Variants in PKNOX2 observed in about 807,000 individuals in gnomAD.
PKNOX2 encodes homeobox protein PKNOX2.
Under a neutral mutation model 53.1 loss-of-function variants are expected in PKNOX2, and 14 were observed. The ratio of observed to expected loss-of-function variants is 0.26; its 90% CI spans 0.17 to 0.41. The LOEUF (loss-of-function observed/expected upper bound fraction) is 0.41, where lower values mean the gene tolerates loss of function less well. PKNOX2 is among the 10% of genes least tolerant of loss of function. The pLI, the probability that PKNOX2 is intolerant of heterozygous loss-of-function variation, is 1.00. For missense variants in PKNOX2, 496 were observed against 602.8 expected (o/e 0.82, Z 1.85); for synonymous variants, 257 against 242.8 (o/e 1.06, Z -0.54).
At chr11:125,178,646 G>GA (rs1470598420) in intron 1 of PKNOX2, among the ~76,000 whole-genome samples, 25 of 74,416 alleles carry the variant, frequency 3.4e-4, no homozygotes, top group East Asian at 7.7e-4. Context: ...AAGAAAGAAA[G>GA]AAGGAAGGAA....
At chr11:125,257,436 T>A (rs1298856416) in intron 2 of PKNOX2, among the ~76,000 whole-genome samples, 2 of 152,206 alleles carry the variant, frequency 1.3e-5, no homozygotes, top group East Asian at 3.8e-4. Context: ...AGCTGGAGGC[T>A]GTTTTCAAGA....
chr11:125,223,833 G>A (rs1941439803), intron 1 of PKNOX2, among the ~76,000 whole-genome samples: 1 of 152,186 alleles, frequency 6.6e-6, no homozygotes, highest in Non-Finnish European at 1.5e-5. Flanking sequence ...TAGAAACGAT[G>A]ACATTGCAGC....
intron 5 of PKNOX2, among the ~76,000 whole-genome samples, chr11:125,373,349 A>C (rs1952653694): frequency 6.6e-6 from 1 of 152,234 alleles, no homozygotes; most frequent in Non-Finnish European, 1.5e-5. Flanking sequence ...CAGGATGTGA[A>C]GTCTGGTACA....
Position 125,173,587 on chromosome 11 carries a change from T to G in PKNOX2, c.-201+8811T>G, listed in dbSNP as rs188784219. Among the ~76,000 whole-genome samples the G allele has an allele frequency of 2.6e-5, 4 of 152,362 alleles. No homozygotes were observed. In the East Asian group the frequency reaches 7.7e-4, roughly 29 times the overall value. On this transcript the variant is annotated intron_variant, in intron 1 of 12. Coordinates refer to ENST00000298282, the MANE Select transcript of PKNOX2 (RefSeq NM_001382323.2). ...GGCAAATGCTGGGAAGAGCTACTGT[T>G]GTGAAAACCAAAGTCTAGAAGATCT...
rs2135719042 is a variant in PKNOX2 at position 125,432,992 on chromosome 11, T to C, written c.*1600T>C. 1 of 152,760 alleles carries C rather than the reference T, an allele frequency of 6.5e-6. No homozygotes were observed. Among genetic ancestry groups the C allele is most frequent in the Non-Finnish European group, 1.5e-5 (1 of 68,030 alleles). The allele number at this position is 152,760 out of a possible 1,614,324, so 9.5% of individuals were successfully genotyped here. Reference sequence around the variant, plus strand: ...GAATGTATTTCTCCCCCAAAAGAGCTGATATTTAATGTTTTAATAAGGATT... The same window carrying C: ...GAATGTATTTCTCCCCCAAAAGAGCCGATATTTAATGTTTTAATAAGGATT... On this transcript the variant is annotated 3_prime_UTR_variant, in exon 13 of 13. Transcript: ENST00000298282.
chr11:125,212,621 A>G (rs904319445), intron 1 of PKNOX2, among the ~76,000 whole-genome samples: 4 of 151,708 alleles, frequency 2.6e-5, no homozygotes, highest in Non-Finnish European at 5.9e-5. Flanking sequence ...ACTACACTGA[A>G]CAGAGAGGGA....
chr11:125,249,594 G>A (rs1943842335), intron 2 of PKNOX2, among the ~76,000 whole-genome samples: 1 of 152,134 alleles, frequency 6.6e-6, no homozygotes, highest in Non-Finnish European at 1.5e-5. Context: ...TAAAGTATAT[G>A]GGAGAATATG....
intron 1 of PKNOX2, among the ~76,000 whole-genome samples, chr11:125,230,411 G>T (rs1458872709): frequency 6.6e-6 from 1 of 152,252 alleles, no homozygotes; most frequent in African/African-American, 2.4e-5. Context: ...GAACAGAGCA[G>T]GGACTCAGTG....
intron 2 of PKNOX2, among the ~76,000 whole-genome samples, chr11:125,278,962 C>G (rs1252256960): frequency 1.3e-5 from 2 of 152,120 alleles, no homozygotes; most frequent in African/African-American, 4.8e-5. Context: ...GGCGGATGTC[C>G]GTTTTCCCAG....
At chr11:125,357,262 A>AACTCCAACTTACTCAAGACCTGG (rs1951669196) in intron 4 of PKNOX2, among the ~76,000 whole-genome samples, 1 of 152,062 alleles carries the variant, frequency 6.6e-6, no homozygotes, top group South Asian at 2.1e-4. Context: ...CATATCCCTG[A>AACTCCAACTTACTCAAGACCTGG]ACTCCAACTT....
chr11:125,367,796 C>T lies in PKNOX2; in HGVS notation c.88-50C>T. The stretch of plus-strand genomic sequence containing the variant: ...GGACCTCACACTACAGCCTGGAGAC[C>T]AGCACCCTGGCCATGCTAACCCACC... On this transcript the variant is annotated intron_variant, in intron 4 of 12. Transcript: ENST00000298282. 4 of 1,584,018 alleles carry T rather than the reference C, an allele frequency of 2.5e-6. No homozygotes were observed. In the South Asian group the frequency reaches 4.7e-5, roughly 19 times the overall value.
intron 2 of PKNOX2, among the ~76,000 whole-genome samples, chr11:125,328,262 G>A (rs893895103): frequency 1.3e-5 from 2 of 152,138 alleles, no homozygotes; most frequent in African/African-American, 2.4e-5. Flanking sequence ...CACATTGTAG[G>A]TGGCAATTAT....
At chr11:125,389,907 C>A (rs1224034109) in intron 6 of PKNOX2, among the ~76,000 whole-genome samples, 1 of 152,040 alleles carries the variant, frequency 6.6e-6, no homozygotes. Context: ...AAAATAGGGA[C>A]CCCCAGGCCC....
At chr11:125,221,500 G>A (rs945510941) in intron 1 of PKNOX2, among the ~76,000 whole-genome samples, 2 of 152,156 alleles carry the variant, frequency 1.3e-5, no homozygotes, top group African/African-American at 2.4e-5. Context: ...AAATGGACCC[G>A]AGAGCTAACC....
chr11:125,413,667 T>C (rs78621633), intron 10 of PKNOX2, among the ~76,000 whole-genome samples: 22,775 of 152,136 alleles, frequency 0.15, 1,921 homozygotes, highest in Middle Eastern at 0.22. Flanking sequence ...ACCCGGCAAC[T>C]TGGTCACACT....
At chr11:125,171,115 A>G (rs1955285663) in intron 1 of PKNOX2, among the ~76,000 whole-genome samples, 1 of 152,206 alleles carries the variant, frequency 6.6e-6, no homozygotes, top group Admixed American at 6.5e-5. Flanking sequence ...CTCTACTCAC[A>G]TCGCCATCCC....
At chr11:125,372,193 G>A (rs1427688450) in intron 5 of PKNOX2, among the ~76,000 whole-genome samples, 2 of 152,182 alleles carry the variant, frequency 1.3e-5, no homozygotes, top group East Asian at 1.9e-4. Flanking sequence ...CTCGAGGCGG[G>A]GAAGGGGAGC....
rs1293195253 is a variant in PKNOX2 at position 125,166,036 on chromosome 11, G to A, written c.-201+1260G>A. 6.6e-6 allele frequency among the ~76,000 whole-genome samples: 1 copy of A among 152,078 alleles called. No individual in the cohort carries two copies. Among genetic ancestry groups the A allele is most frequent in the East Asian group, 1.9e-4 (1 of 5,166 alleles). ...ATTGAGGGGTAGGGGCTTGTGGATC[G>A]GCCTGAATTAGGGCTGGGTTTTAGG... On this transcript the variant is annotated intron_variant, in intron 1 of 12. Transcript: ENST00000298282. The surrounding 1 kb of genome is among the most constrained non-coding windows in gnomAD (Gnocchi z 4.0).
At chr11:125,280,001 A>AT (rs1165008124) in intron 2 of PKNOX2, among the ~76,000 whole-genome samples, 1 of 150,718 alleles carries the variant, frequency 6.6e-6, no homozygotes, top group Non-Finnish European at 1.5e-5. Flanking sequence ...AAATATATAT[A>AT]TTTTTTCCTT....
Sources: gnomAD v4.1 joint callset for allele counts (sites outside exome capture counted in the v4.1 genomes callset) on GRCh38, gnomAD v4.1.1 for gene constraint, Gnocchi (gnomAD v3.1) non-coding constraint, MANE v1.5 for transcripts, NCBI Gene and HGNC (gene_info 2026-07-23, HGNC 2026-07-21) for gene names.